The following ROBO2 variants were observed in gnomAD, a reference collection of about 807,000 sequenced individuals.
ROBO2 encodes the protein roundabout guidance receptor 2, also known as roundabout homolog 2.
ROBO2 carries 53 observed loss-of-function variants against 160.8 expected under a neutral mutation model. The observed-to-expected ratio is 0.33, with a 90% CI of 0.26 to 0.41. ROBO2 has a LOEUF of 0.41. Ranked by LOEUF, ROBO2 falls within the 10% of genes least tolerant of loss-of-function variation. The pLI is 1.00. For synonymous variants in ROBO2, 664 were observed against 611.7 expected, an observed-to-expected ratio of 1.09 and a Z score of -1.26; for missense variants, 1,577 against 1,722.4, an observed-to-expected ratio of 0.92 and a Z score of 1.49.
chr3:77,634,708 A>G, intron 23 of ROBO2, 162 bp from the exon 25 acceptor site: 1 of 721,236 alleles, frequency 1.4e-6, no homozygotes, highest in Non-Finnish European at 2.4e-6. Context: ...GCAGCTGAGA[A>G]TGTAGAAAAT....
intron 2 of ROBO2, among the ~76,000 whole-genome samples, chr3:75,995,133 G>T (rs1576416325): frequency 6.6e-6 from 1 of 152,172 alleles, no homozygotes; most frequent in African/African-American, 2.4e-5. Flanking sequence ...GCCTGCTGCA[G>T]AAATTTGCAT....
chr3:76,409,622 C>G (rs2075385121), intron 2 of ROBO2, among the ~76,000 whole-genome samples: 1 of 152,056 alleles, frequency 6.6e-6, no homozygotes. Flanking sequence ...GGTGCAGTAA[C>G]TTGAAGCATG....
At chr3:77,287,708 C>G (rs2060705025) in intron 2 of ROBO2, among the ~76,000 whole-genome samples, 1 of 152,102 alleles carries the variant, frequency 6.6e-6, no homozygotes, top group South Asian at 2.1e-4. Flanking sequence ...CCTCAGGATG[C>G]CATTCTAAAG....
At chr3:76,494,328 T>C (rs933659346) in intron 2 of ROBO2, among the ~76,000 whole-genome samples, 1 of 152,208 alleles carries the variant, frequency 6.6e-6, no homozygotes, top group African/African-American at 2.4e-5. Flanking sequence ...GAGAAAGGCA[T>C]ACACATTTAC....
chr3:77,204,318 C>G (rs1022580534), intron 2 of ROBO2, among the ~76,000 whole-genome samples: 2 of 151,988 alleles, frequency 1.3e-5, no homozygotes, highest in African/African-American at 4.8e-5. Context: ...TTTTTTTTAG[C>G]AAAATATGCT....
At chr3:76,404,069 T>C (rs953339992) in intron 2 of ROBO2, among the ~76,000 whole-genome samples, 8 of 151,580 alleles carry the variant, frequency 5.3e-5, no homozygotes, top group African/African-American at 1.7e-4. Context: ...AACAACAAAG[T>C]TTGTATCTCT....
intron 2 of ROBO2, among the ~76,000 whole-genome samples, chr3:76,553,676 A>C (rs2083544848): frequency 6.6e-6 from 1 of 152,144 alleles, no homozygotes; most frequent in Non-Finnish European, 1.5e-5. Context: ...ATTTGTACAG[A>C]ATTAGTCTGT....
At chr3:77,447,429 C>T (rs1038508352) in intron 2 of ROBO2, among the ~76,000 whole-genome samples, 2 of 152,014 alleles carry the variant, frequency 1.3e-5, no homozygotes, top group African/African-American at 2.4e-5. Flanking sequence ...TCTGAGAACA[C>T]TAAATTAAAA....
At chr3:76,543,075 T>A (rs2082903647) in intron 2 of ROBO2, among the ~76,000 whole-genome samples, 1 of 152,210 alleles carries the variant, frequency 6.6e-6, no homozygotes, top group African/African-American at 2.4e-5. Context: ...TACTTCATGT[T>A]CTAATTGAAT....
In ROBO2 at chr3:76,434,075, G is replaced by A. The variant is rs2076557755; in HGVS notation, c.109+496473G>A. ...GGAGAGGGCAGTGGGCCTCCTGGAG[G>A]CAGTATCCCATACCTCTGACATGCA... On this transcript the variant is annotated intron_variant, in intron 2 of 26. Transcript: ENST00000487694. The A allele has an allele frequency of 4.6e-6, 6 of 1,317,290 alleles. No homozygotes were observed. In the South Asian group the frequency reaches 4.7e-5, roughly 10 times the overall value. 81.6% of individuals were successfully genotyped at this position (1,317,290 alleles called of 1,614,324 possible).
intron 2 of ROBO2, among the ~76,000 whole-genome samples, chr3:76,715,903 A>G (rs971358878): frequency 2.0e-5 from 3 of 152,160 alleles, no homozygotes; most frequent in African/African-American, 7.2e-5. Context: ...GGGGACACAT[A>G]TATTCACAAT....
intron 2 of ROBO2, among the ~76,000 whole-genome samples, chr3:75,965,978 A>G (rs1317794205): frequency 6.6e-6 from 1 of 151,780 alleles, no homozygotes; most frequent in East Asian, 1.9e-4. Flanking sequence ...GAAATTCTGT[A>G]AGATAATGAA....
chr3:77,561,856 C>A (rs1325086282), intron 9 of ROBO2, among the ~76,000 whole-genome samples: 1 of 152,050 alleles, frequency 6.6e-6, no homozygotes, highest in Non-Finnish European at 1.5e-5. Context: ...GTAATCCCAG[C>A]ACTTTGGGAG....
At chr3:77,392,990 A>G (rs185159858) in intron 2 of ROBO2, among the ~76,000 whole-genome samples, 13 of 152,264 alleles carry the variant, frequency 8.5e-5, no homozygotes, top group Admixed American at 3.3e-4. Flanking sequence ...GGTTCAGAAG[A>G]CTGTAATCAC....
chr3:77,054,249 G>T (rs999953456), intron 1 of ROBO2, among the ~76,000 whole-genome samples: 1 of 152,150 alleles, frequency 6.6e-6, no homozygotes, highest in Non-Finnish European at 1.5e-5. Context: ...CCATCTGTCA[G>T]TATACAGCAA....
chr3:76,375,471 C>T (rs913902189), intron 2 of ROBO2, among the ~76,000 whole-genome samples: 3 of 151,794 alleles, frequency 2.0e-5, no homozygotes, highest in African/African-American at 7.3e-5. Context: ...TATATGAAGC[C>T]CTGAGGCAAT....
chr3:76,409,491 A>G (rs1170201211), intron 2 of ROBO2, among the ~76,000 whole-genome samples: 3 of 152,070 alleles, frequency 2.0e-5, no homozygotes, highest in Non-Finnish European at 2.9e-5. Flanking sequence ...ATTATGTTCC[A>G]TGGTACTTTG....
intron 2 of ROBO2, among the ~76,000 whole-genome samples, chr3:76,402,262 T>A (rs955104731): frequency 6.6e-6 from 1 of 151,618 alleles, no homozygotes; most frequent in Admixed American, 6.6e-5. Flanking sequence ...GTTATCAATC[T>A]TATGTCCCCA....
intron 2 of ROBO2, among the ~76,000 whole-genome samples, chr3:76,210,826 C>T (rs750666347): frequency 1.4e-4 from 22 of 152,084 alleles, no homozygotes; most frequent in African/African-American, 4.3e-4. Flanking sequence ...TCTTATTTAT[C>T]GACATTCAGG....
Sources: gnomAD v4.1 joint callset for allele counts (sites outside exome capture counted in the v4.1 genomes callset) on GRCh38, gnomAD v4.1.1 for gene constraint, MANE v1.5 for transcripts, NCBI Gene and HGNC (gene_info 2026-07-23, HGNC 2026-07-21) for gene names.